The following DRD3 variants were observed in gnomAD, a reference collection of about 807,000 sequenced individuals.
DRD3 encodes the protein D(3) dopamine receptor.
A neutral mutation model predicts 36.3 loss-of-function variants in DRD3; 19 were observed. That is an observed-to-expected ratio of 0.52 (90% confidence interval 0.36 to 0.77). DRD3 has a LOEUF of 0.77. Among genes scored for constraint, DRD3 ranks in the 30% least tolerant of loss-of-function variants. The pLI, the probability that DRD3 is intolerant of heterozygous loss-of-function variation, is 0.00. For synonymous variants in DRD3, 195 were observed against 203.7 expected (o/e 0.96, Z 0.36); for missense variants, 465 against 505.3 (o/e 0.92, Z 0.77).
chr3:114,143,190 A>G (rs2077541487), intron 4 of DRD3, among the ~76,000 whole-genome samples: 1 of 152,274 alleles, frequency 6.6e-6, no homozygotes, highest in Non-Finnish European at 1.5e-5. Flanking sequence ...TGCATAAATA[A>G]TAAATAAATG....
chr3:114,139,530 G>A lies in DRD3; in HGVS notation c.693C>T (p.Cys231=), dbSNP rs773445323. The change falls in exon 5 of 7, where the codon TGC becomes TGT. Residue 231 remains cysteine (C), a synonymous_variant. Coordinates refer to ENST00000383673, the MANE Select transcript of DRD3 (RefSeq NM_000796.6). ...KRILTRQNSQ[C]NSVRPGFPQQ... ...GGGGGAAGCCAGGCCTGACACTGTT[G>A]CACTGACTGTTCTGTCGAGTGAGGA... is the stretch of plus-strand genomic sequence containing the variant. 3 of 1,613,982 alleles carry A rather than the reference G, an allele frequency of 1.9e-6. No individual in the cohort carries two copies. Among genetic ancestry groups the A allele is most frequent in the Middle Eastern group, 1.7e-4 (1 of 6,022 alleles).
intron 1 of DRD3, among the ~76,000 whole-genome samples, chr3:114,187,980 G>A (rs2077984487): frequency 6.6e-6 from 1 of 152,022 alleles, no homozygotes; most frequent in Non-Finnish European, 1.5e-5. Context: ...TGCTCCTTGT[G>A]CCCTAGGAAG....
chr3:114,172,525 G>C (rs1486002006), intron 1 of DRD3, among the ~76,000 whole-genome samples: 1 of 152,200 alleles, frequency 6.6e-6, no homozygotes, highest in Admixed American at 6.5e-5. Context: ...GGAGTCTGGT[G>C]AGGCTGGAGC....
At chr3:114,179,910 T>A (rs943902667), upstream of DRD3, among the ~76,000 whole-genome samples, 1 of 152,194 alleles carries the variant, frequency 6.6e-6, no homozygotes, top group Non-Finnish European at 1.5e-5. Context: ...CCAGTCATTT[T>A]AATGCATTGC....
rs538422065 is a variant in DRD3 at position 114,139,493 on chromosome 3, T to C, written c.723+7A>G. 3.7e-6 allele frequency: 6 copies of C among 1,611,538 alleles called. No individual in the cohort carries two copies. The Admixed American group carries it at 6.7e-5, about 18-fold the overall frequency. On this transcript the variant is annotated splice_region_variant and intron_variant, in intron 5 of 6. Transcript: ENST00000383673. The stretch of plus-strand genomic sequence containing the variant: ...TGTCTTCCCTCTACCCCCTCCAGGG[T>C]ACTTACTTGCTGGGGGAAGCCAGGC...
intron 4 of DRD3, among the ~76,000 whole-genome samples, chr3:114,141,898 A>G (rs2077527569): frequency 6.6e-6 from 1 of 151,928 alleles, no homozygotes; most frequent in African/African-American, 2.4e-5. Context: ...AAAAATACAA[A>G]AGTTAGCCGG....
At chr3:114,150,640 T>TATA (rs2077608539) in intron 3 of DRD3, among the ~76,000 whole-genome samples, 1 of 152,188 alleles carries the variant, frequency 6.6e-6, no homozygotes, top group Non-Finnish European at 1.5e-5. Flanking sequence ...GGATCTAAGG[T>TATA]ATAAGCTGGA....
chr3:114,198,173 G>C (rs1576099172), intron 1 of DRD3, among the ~76,000 whole-genome samples: 1 of 151,746 alleles, frequency 6.6e-6, no homozygotes, highest in East Asian at 1.9e-4. Context: ...GTATCTTTAA[G>C]AAAATGTCTT....
At chr3:114,177,998 T>C (rs934734104) in intron 1 of DRD3, among the ~76,000 whole-genome samples, 11 of 152,210 alleles carry the variant, frequency 7.2e-5, no homozygotes, top group Non-Finnish European at 1.5e-5. Context: ...ATTTTGATGG[T>C]ATTCAATTAA....
chr3:114,131,322 C>G lies in DRD3; in HGVS notation c.802G>C (p.Gly268Arg). The change falls in exon 6 of 7, where the codon GGC (glycine) becomes CGC (arginine). Residue 268 changes from glycine to arginine, a missense_variant. By Grantham distance (125) the Gly-to-Arg change is moderately radical. Coordinates refer to ENST00000383673, the MANE Select transcript of DRD3 (RefSeq NM_000796.6). ...ICQDTALGGP[G>R]FQERGGELKR... ...AACTCTCCTCCTCTTTCTTGGAAGCCTGGTCCACCCAAGGCAGTGTCCTGG... is the reference window on the plus strand; with the variant it reads ...AACTCTCCTCCTCTTTCTTGGAAGCGTGGTCCACCCAAGGCAGTGTCCTGG... The G allele has an allele frequency of 6.2e-7, 1 of 1,614,204 alleles. No homozygotes were observed. The highest frequency in any genetic ancestry group is 1.1e-5 in the South Asian group (1 of 91,084).
At chr3:114,188,383 T>C (rs988618679) in intron 1 of DRD3, among the ~76,000 whole-genome samples, 7 of 151,986 alleles carry the variant, frequency 4.6e-5, no homozygotes, top group African/African-American at 1.4e-4. Context: ...AGCTAATTTT[T>C]GTATTTTTAG....
intron 2 of DRD3, among the ~76,000 whole-genome samples, chr3:114,160,653 C>T (rs1399729867): frequency 1.3e-5 from 2 of 152,208 alleles, no homozygotes; most frequent in Admixed American, 1.3e-4. Context: ...AAGCTAAGAA[C>T]ACATTTTTCA....
At chr3:114,177,950 T>C (rs1329539444) in intron 1 of DRD3, among the ~76,000 whole-genome samples, 1 of 152,174 alleles carries the variant, frequency 6.6e-6, no homozygotes, top group Non-Finnish European at 1.5e-5. Context: ...AGAATCCAAG[T>C]TTCACTTTGC....
At chr3:114,192,186 G>A (rs1249919252) in intron 1 of DRD3, among the ~76,000 whole-genome samples, 1 of 152,210 alleles carries the variant, frequency 6.6e-6, no homozygotes, top group African/African-American at 2.4e-5. Flanking sequence ...TAAGTTGGAA[G>A]TGAGGACAAA....
At chr3:114,129,723 A>G (rs1256079184) in intron 6 of DRD3, among the ~76,000 whole-genome samples, 2 of 152,198 alleles carry the variant, frequency 1.3e-5, no homozygotes, top group Non-Finnish European at 2.9e-5. Flanking sequence ...CACTAACTCT[A>G]TAGCATACCT....
chr3:114,189,229 G>T (rs762559519), intron 1 of DRD3, among the ~76,000 whole-genome samples: 1 of 152,000 alleles, frequency 6.6e-6, no homozygotes, highest in Non-Finnish European at 1.5e-5. Flanking sequence ...ATTAATATCA[G>T]TGCAATATAT....
intron 4 of DRD3, among the ~76,000 whole-genome samples, chr3:114,140,742 C>A (rs1268849733): frequency 6.6e-6 from 1 of 152,148 alleles, no homozygotes; most frequent in Non-Finnish European, 1.5e-5. Context: ...CCCTCTTTAC[C>A]ATTGTGACAT....
chr3:114,139,366 T>G (rs2077503241), intron 5 of DRD3, 134 bp downstream of exon 5: 1 of 858,172 alleles, frequency 1.2e-6, no homozygotes, highest in Non-Finnish European at 1.8e-6. Context: ...CAGCCAAAAT[T>G]AGCAGATTCC....
intron 1 of DRD3, among the ~76,000 whole-genome samples, chr3:114,193,574 T>C (rs1382562021): frequency 1.3e-5 from 2 of 152,182 alleles, no homozygotes; most frequent in African/African-American, 2.4e-5. Context: ...TATGCAGATA[T>C]AGAGCATTTC....
Sources: allele counts gnomAD v4.1 joint callset (sites outside exome capture counted in the v4.1 genomes callset), GRCh38; gene constraint gnomAD v4.1.1; transcripts MANE v1.5; gene names NCBI Gene and HGNC (gene_info 2026-07-23, HGNC 2026-07-21).